CREB5: variants seen among roughly 807,000 people sequenced by gnomAD.
The protein encoded by CREB5 is cyclic AMP-responsive element-binding protein 5.
In CREB5, 19 loss-of-function variants were observed where a neutral mutation model predicts 57.1. The observed-to-expected ratio is 0.33, with a 90% CI of 0.23 to 0.49. CREB5 has a LOEUF of 0.49. Among genes scored for constraint, CREB5 ranks in the 20% least tolerant of loss-of-function variants. CREB5 has a pLI of 0.99. For synonymous variants in CREB5, 238 were observed against 238.3 expected, an observed-to-expected ratio of 1.00 and a Z score of 0.01; for missense variants, 579 against 671.6, an observed-to-expected ratio of 0.86 and a Z score of 1.52.
At chr7:28,563,872 G>T (rs1795377178) in intron 4 of CREB5, among the ~76,000 whole-genome samples, 1 of 152,122 alleles carries the variant, frequency 6.6e-6, no homozygotes. Context: ...GAGGTGGCCT[G>T]CATGGTCCCT....
At chr7:28,628,219 A>G (rs1273194360) in intron 5 of CREB5, among the ~76,000 whole-genome samples, 1 of 151,822 alleles carries the variant, frequency 6.6e-6, no homozygotes, top group Non-Finnish European at 1.5e-5. Flanking sequence ...GACCCTAAAG[A>G]CTGACAGCAA....
chr7:28,428,609 G>T (rs1001214926), intron 1 of CREB5, among the ~76,000 whole-genome samples: 1 of 152,172 alleles, frequency 6.6e-6, no homozygotes, highest in Admixed American at 6.5e-5. Context: ...AGTTGTCATC[G>T]ACTGAGATGG....
intron 7 of CREB5, among the ~76,000 whole-genome samples, chr7:28,744,056 T>C (rs1804553563): frequency 9.0e-6 from 1 of 111,206 alleles, no homozygotes; most frequent in African/African-American, 3.4e-5. Context: ...TGTGTCCATG[T>C]GATCTCATTG....
chr7:28,320,361 G>C (rs768536265), intron 1 of CREB5, among the ~76,000 whole-genome samples: 3 of 152,114 alleles, frequency 2.0e-5, no homozygotes, highest in African/African-American at 7.2e-5. Flanking sequence ...TCTAGGGGCC[G>C]TTCAATGCCA....
At position 28,569,356 on chromosome 7, in the gene CREB5, T is replaced by C. The variant is rs1247314941; in HGVS notation, c.292-1009T>C. Among the ~76,000 whole-genome samples the C allele has an allele frequency of 2.0e-5, 3 of 152,158 alleles. No homozygotes were observed. The East Asian group carries it at 5.8e-4, about 29-fold the overall frequency. ...CTTTCTTTATTGGGTTCTAAATTTC[T>C]TTCTCACCTTTCGGTCCCAATGTGT... On this transcript the variant is annotated intron_variant, in intron 4 of 10. Transcript: ENST00000357727.
intron 1 of CREB5, among the ~76,000 whole-genome samples, chr7:28,413,153 A>C (rs1787874938): frequency 6.6e-6 from 1 of 151,286 alleles, no homozygotes; most frequent in African/African-American, 2.4e-5. Flanking sequence ...CCCAGGTAAA[A>C]TATGTTCAGA....
At chr7:28,593,648 A>G (rs1360242004) in intron 5 of CREB5, among the ~76,000 whole-genome samples, 1 of 152,216 alleles carries the variant, frequency 6.6e-6, no homozygotes, top group African/African-American at 2.4e-5. Flanking sequence ...ATCTAAAGAA[A>G]TGGTGAATGA....
At chr7:28,806,287 T>C (rs566840890) in intron 8 of CREB5, among the ~76,000 whole-genome samples, 19 of 152,308 alleles carry the variant, frequency 1.2e-4, no homozygotes, top group African/African-American at 4.3e-4. Flanking sequence ...TTTAATTGTA[T>C]GCTAAAAAGA....
intron 1 of CREB5, among the ~76,000 whole-genome samples, chr7:28,377,370 A>G (rs1211610486): frequency 6.6e-6 from 1 of 152,100 alleles, no homozygotes; most frequent in Non-Finnish European, 1.5e-5. Flanking sequence ...TATTTTTGAT[A>G]TATTGGGTTA....
intron 5 of CREB5, among the ~76,000 whole-genome samples, chr7:28,577,337 C>T (rs1371653406): frequency 6.6e-6 from 1 of 152,190 alleles, no homozygotes; most frequent in East Asian, 1.9e-4. Context: ...GATATGTTCA[C>T]ATAGCCCAGA....
intron 4 of CREB5, among the ~76,000 whole-genome samples, chr7:28,550,462 A>C (rs528457950): frequency 6.6e-6 from 1 of 152,150 alleles, no homozygotes; most frequent in Non-Finnish European, 1.5e-5. Context: ...TTGGACTCAA[A>C]ATGGCCACCA....
chr7:28,704,304 C>A (rs1232218656), intron 5 of CREB5, among the ~76,000 whole-genome samples: 1 of 152,174 alleles, frequency 6.6e-6, no homozygotes, highest in African/African-American at 2.4e-5. Flanking sequence ...CTGCCCTCCT[C>A]AGCTAAATGT....
intron 5 of CREB5, among the ~76,000 whole-genome samples, chr7:28,610,910 A>T (rs965944818): frequency 1.0e-4 from 15 of 150,136 alleles, no homozygotes; most frequent in African/African-American, 2.0e-4. Context: ...TGTGTGTGTG[A>T]GAGAGAGAGG....
intron 1 of CREB5, among the ~76,000 whole-genome samples, chr7:28,304,311 C>A (rs773864637): frequency 2.0e-5 from 3 of 152,164 alleles, no homozygotes; most frequent in Non-Finnish European, 4.4e-5. Context: ...CTGTCTCAAT[C>A]ATAGACTTAT....
chr7:28,328,420 G>A (rs950485830), intron 1 of CREB5, among the ~76,000 whole-genome samples: 5 of 152,132 alleles, frequency 3.3e-5, no homozygotes, highest in Admixed American at 1.3e-4. Flanking sequence ...ATCGTTTCAA[G>A]TATCTTTGGC....
chr7:28,550,515 G>T (rs1470303975), intron 4 of CREB5, among the ~76,000 whole-genome samples: 1 of 152,162 alleles, frequency 6.6e-6, no homozygotes, highest in Non-Finnish European at 1.5e-5. Context: ...GACTCTGTAA[G>T]ATGTCGGTCG....
chr7:28,520,185 C>T (rs773025193), intron 4 of CREB5, among the ~76,000 whole-genome samples: 1 of 152,200 alleles, frequency 6.6e-6, no homozygotes, highest in South Asian at 2.1e-4. Context: ...TCAATAGAGC[C>T]GTGTTCCTTC....
chr7:28,503,709 A>G (rs1792364697), intron 3 of CREB5, among the ~76,000 whole-genome samples: 1 of 152,144 alleles, frequency 6.6e-6, no homozygotes. Flanking sequence ...TCTGCTCTTA[A>G]AAAAGATTGT....
At chr7:28,426,263 C>A (rs1367966745) in intron 1 of CREB5, among the ~76,000 whole-genome samples, 1 of 152,202 alleles carries the variant, frequency 6.6e-6, no homozygotes, top group Non-Finnish European at 1.5e-5. Context: ...GGTTAAGGGA[C>A]TTGACCAGTG....
Sources: gnomAD v4.1 joint callset for allele counts (sites outside exome capture counted in the v4.1 genomes callset) on GRCh38, gnomAD v4.1.1 for gene constraint, MANE v1.5 for transcripts, NCBI Gene and HGNC (gene_info 2026-07-23, HGNC 2026-07-21) for gene names.